Variants in GABRA3 observed in about 807,000 individuals in gnomAD.
The protein encoded by GABRA3 is gamma-aminobutyric acid receptor subunit alpha-3.
Under a neutral mutation model 30.1 loss-of-function variants are expected in GABRA3, and 10 were observed. The ratio of observed to expected loss-of-function variants is 0.33; its 90% CI spans 0.20 to 0.56. GABRA3 has a LOEUF of 0.56. Ranked by LOEUF, GABRA3 falls within the 20% of genes least tolerant of loss-of-function variation. GABRA3 has a pLI of 0.89. For synonymous variants in GABRA3, 151 were observed against 146.8 expected, an observed-to-expected ratio of 1.03 and a Z score of -0.21; for missense variants, 233 against 392.0, an observed-to-expected ratio of 0.59 and a Z score of 3.42.
chrX:152,326,354 C>T (rs765837296), intron 3 of GABRA3, among the ~76,000 whole-genome samples: 8 of 110,979 alleles, frequency 7.2e-5, no homozygotes, highest in Non-Finnish European at 1.1e-4. Flanking sequence ...ATACAGAGAA[C>T]GTCACAAAGA....
chrX:152,341,545 C>CTT (rs1201836478), intron 3 of GABRA3, among the ~76,000 whole-genome samples: 8,488 of 86,618 alleles, frequency 0.098, 478 homozygotes, highest in African/African-American at 0.13. Context: ...CATCTATTGA[C>CTT]TTTTTTTTTT....
intron 1 of GABRA3, among the ~76,000 whole-genome samples, chrX:152,429,445 A>T (rs1043793738): frequency 7.2e-5 from 8 of 110,990 alleles, no homozygotes; most frequent in Non-Finnish European, 1.1e-4. Context: ...TCCCTTGCTT[A>T]AAACTATTCA....
At chrX:152,211,348 CTG>C (rs1389952646) in intron 6 of GABRA3, among the ~76,000 whole-genome samples, 1 of 109,160 alleles carries the variant, frequency 9.2e-6, no homozygotes, top group Non-Finnish European at 1.9e-5. Flanking sequence ...TGACGACAAA[CTG>C]TGTAGCTATC....
chrX:152,289,357 A>AT (rs1291037828), intron 3 of GABRA3, among the ~76,000 whole-genome samples: 1 of 109,522 alleles, frequency 9.1e-6, no homozygotes, highest in Non-Finnish European at 1.9e-5. Context: ...AAGAAAAAAA[A>AT]ATATATATTT....
rs374709242 is a variant in GABRA3, at chrX:152,328,785, G to A, written c.262+16796C>T. ...ACTGGAAGCATTCCCTTTGAAAACT[G>A]GCACAAGACAGGGATGCCCTCTCTC... On this transcript the variant is annotated intron_variant, in intron 3 of 9. Transcript: ENST00000370314. 9.1e-3 allele frequency among the ~76,000 whole-genome samples: 1,010 copies of A among 111,271 alleles called. 31 individuals are homozygous for A. In the East Asian group the frequency reaches 0.12, roughly 13 times the overall value.
In GABRA3 at chrX:152,415,856, C is replaced by A. The variant is rs367675579; in HGVS notation, c.-27+35290G>T. Among the ~76,000 whole-genome samples, 11 of 110,717 alleles carry A rather than the reference C, an allele frequency of 9.9e-5. No individual in the cohort carries two copies. The South Asian group carries it at 3.4e-3, about 34-fold the overall frequency. Reference sequence around the variant, plus strand: ...GGCTTTCTCTATTTCACTTAAAATGCCCAGCATTCAAACAGCAATTACCAA... The same window carrying A: ...GGCTTTCTCTATTTCACTTAAAATGACCAGCATTCAAACAGCAATTACCAA... On this transcript the variant is annotated intron_variant, in intron 1 of 9. Transcript: ENST00000370314.
chrX:152,399,253 G>T (rs541739168), intron 1 of GABRA3, among the ~76,000 whole-genome samples: 141 of 111,453 alleles, frequency 1.3e-3, no homozygotes, highest in Middle Eastern at 9.3e-3. Context: ...TTTTACAATT[G>T]TGCTAAATTC....
Position 152,166,656 on chromosome X carries a change from G to A in GABRA3, c.*1572C>T, listed in dbSNP as rs1163443608. ...TAGTGCAGGTATTCAGAGCCAAAGTGGCTGGGGCTGCCATCATAAACAGTC... is the reference window on the plus strand; with the variant it reads ...TAGTGCAGGTATTCAGAGCCAAAGTAGCTGGGGCTGCCATCATAAACAGTC... On this transcript the variant is annotated 3_prime_UTR_variant, in exon 10 of 10. Transcript: ENST00000370314. The A allele has an allele frequency of 1.8e-5, 2 of 110,986 alleles. No individual in the cohort carries two copies. The highest frequency in any genetic ancestry group is 1.9e-4 in the Admixed American group (2 of 10,448). 9.1% of individuals were successfully genotyped at this position (110,986 alleles called of 1,213,427 possible).
intron 4 of GABRA3, among the ~76,000 whole-genome samples, chrX:152,257,251 G>C (rs1162622561): frequency 1.8e-5 from 2 of 112,011 alleles, no homozygotes; most frequent in South Asian, 3.7e-4. Context: ...ATAAGCTCTG[G>C]ATTGGAAGAT....
chrX:152,372,231 A>G (rs1341981877), intron 1 of GABRA3, among the ~76,000 whole-genome samples: 1 of 111,347 alleles, frequency 9.0e-6, no homozygotes, highest in East Asian at 2.8e-4. Flanking sequence ...TATTTTCGGA[A>G]TCCTAAGTAC....
At chrX:152,368,579 T>C (rs1928722252) in intron 1 of GABRA3, among the ~76,000 whole-genome samples, 1 of 111,361 alleles carries the variant, frequency 9.0e-6, no homozygotes, top group Non-Finnish European at 1.9e-5. Context: ...TTGGTTATTG[T>C]GAATAACGCT....
chrX:152,352,382 TC>T (rs993797095), intron 2 of GABRA3, among the ~76,000 whole-genome samples: 2 of 111,503 alleles, frequency 1.8e-5, no homozygotes, highest in African/African-American at 3.3e-5. Context: ...TTCATTAACT[TC>T]CCCCCAAACT....
intron 1 of GABRA3, among the ~76,000 whole-genome samples, chrX:152,446,255 G>A (rs774088084): frequency 8.9e-6 from 1 of 111,847 alleles, no homozygotes; most frequent in East Asian, 2.8e-4. Context: ...TCTTTTTAAA[G>A]CGGTACATTT....
At chrX:152,335,235 C>T (rs1940216777) in intron 3 of GABRA3, among the ~76,000 whole-genome samples, 1 of 111,579 alleles carries the variant, frequency 9.0e-6, no homozygotes, top group Non-Finnish European at 1.9e-5. Context: ...CAGCAACTAA[C>T]ATAGGGTCGT....
chrX:152,320,564 A>G (rs1939946951), intron 3 of GABRA3, among the ~76,000 whole-genome samples: 1 of 110,806 alleles, frequency 9.0e-6, no homozygotes, highest in Non-Finnish European at 1.9e-5. Flanking sequence ...AACTTTGAGG[A>G]CTCAGGGGAA....
intron 1 of GABRA3, among the ~76,000 whole-genome samples, chrX:152,434,099 T>C (rs1416220356): frequency 9.0e-6 from 1 of 111,506 alleles, no homozygotes; most frequent in Admixed American, 9.6e-5. Context: ...AACTTGATTG[T>C]ATTGAAGGAT....
chrX:152,204,103 A>G (rs760772859), intron 7 of GABRA3, among the ~76,000 whole-genome samples: 1 of 111,637 alleles, frequency 9.0e-6, no homozygotes, highest in African/African-American at 3.3e-5. Flanking sequence ...TGATCCAGCT[A>G]TCAATACTAG....
chrX:152,264,036 G>A (rs781162291), intron 4 of GABRA3, among the ~76,000 whole-genome samples: 25 of 111,392 alleles, frequency 2.2e-4, no homozygotes, highest in South Asian at 3.7e-4. Context: ...AAACAAAAGC[G>A]GAGGGATTTC....
intron 3 of GABRA3, among the ~76,000 whole-genome samples, chrX:152,337,200 C>A (rs1414788725): frequency 8.9e-6 from 1 of 111,874 alleles, no homozygotes; most frequent in Non-Finnish European, 1.9e-5. Context: ...TGCGTCTTTT[C>A]TTTGTGCTAG....
Sources: allele counts gnomAD v4.1 joint callset (sites outside exome capture counted in the v4.1 genomes callset), GRCh38; gene constraint gnomAD v4.1.1; transcripts MANE v1.5; gene names NCBI Gene and HGNC (gene_info 2026-07-23, HGNC 2026-07-21).